TRIM2: variants seen among roughly 807,000 people sequenced by gnomAD.
The protein encoded by TRIM2 is tripartite motif containing 2, also known as tripartite motif-containing protein 2.
In TRIM2, 20 loss-of-function variants were observed where a neutral mutation model predicts 75.2. The observed-to-expected ratio is 0.27, with a 90% CI of 0.19 to 0.39. The LOEUF (loss-of-function observed/expected upper bound fraction) is 0.39, where lower values mean the gene tolerates loss of function less well. Ranked by LOEUF, TRIM2 falls within the 10% of genes least tolerant of loss-of-function variation. The pLI is 1.00. For missense variants in TRIM2, 660 were observed against 990.8 expected, an observed-to-expected ratio of 0.67 and a Z score of 4.48; for synonymous variants, 373 against 388.3, an observed-to-expected ratio of 0.96 and a Z score of 0.46.
chr4:153,197,696 A>C (rs1733921185), intron 1 of TRIM2, among the ~76,000 whole-genome samples: 2 of 151,924 alleles, frequency 1.3e-5, no homozygotes, highest in African/African-American at 4.8e-5. Context: ...ATATGGAGAA[A>C]CCCCATCTCT....
At chr4:153,314,790 A>G (rs1344507712) in intron 6 of TRIM2, among the ~76,000 whole-genome samples, 1 of 151,828 alleles carries the variant, frequency 6.6e-6, no homozygotes, top group Admixed American at 6.6e-5. Context: ...ATCGCCTACT[A>G]TTTTTATAAC....
intron 1 of TRIM2, among the ~76,000 whole-genome samples, chr4:153,261,611 A>T (rs1240032599): frequency 6.6e-6 from 1 of 152,144 alleles, no homozygotes; most frequent in African/African-American, 2.4e-5. Context: ...TTTCAGTAGA[A>T]TCTTGGCCTC....
intron 1 of TRIM2, among the ~76,000 whole-genome samples, chr4:153,224,127 A>G (rs1344880633): frequency 6.6e-6 from 1 of 152,158 alleles, no homozygotes; most frequent in Non-Finnish European, 1.5e-5. Context: ...CATCTTTGGC[A>G]GAACTGGTAC....
rs760539814 is a variant in TRIM2 at position 153,338,076 on chromosome 4, G to A, written c.*3110G>A. Reference sequence around the variant, plus strand: ...CTAAGTTTCCTTATTTTAATTTACTGTGACTAGATTTGAAGCAAATAAATA... The same window carrying A: ...CTAAGTTTCCTTATTTTAATTTACTATGACTAGATTTGAAGCAAATAAATA... On this transcript the variant is annotated 3_prime_UTR_variant, in exon 12 of 12. Coordinates refer to ENST00000338700, the MANE Select transcript of TRIM2 (RefSeq NM_015271.5). 1 of 985,670 alleles carries A rather than the reference G, an allele frequency of 1.0e-6. No homozygotes were observed. Among genetic ancestry groups the A allele is most frequent in the Middle Eastern group, 5.2e-4 (1 of 1,914 alleles). 61.1% of individuals were successfully genotyped at this position (985,670 alleles called of 1,614,324 possible).
chr4:153,273,059 G>C (rs1055163344), intron 2 of TRIM2, among the ~76,000 whole-genome samples: 1 of 151,792 alleles, frequency 6.6e-6, no homozygotes, highest in African/African-American at 2.4e-5. Flanking sequence ...GGATGGTCTC[G>C]ATCTCTTGAC....
At chr4:153,223,872 A>T (rs1431914824) in intron 1 of TRIM2, among the ~76,000 whole-genome samples, 6 of 152,238 alleles carry the variant, frequency 3.9e-5, no homozygotes, top group Non-Finnish European at 8.8e-5. Context: ...TCCAAAGATT[A>T]GGCTAGCCCC....
At chr4:153,193,256 T>C (rs953255735) in intron 1 of TRIM2, among the ~76,000 whole-genome samples, 5 of 150,362 alleles carry the variant, frequency 3.3e-5, no homozygotes, top group African/African-American at 4.9e-5. Context: ...CTCAGCCTCC[T>C]GAGTAGCTGG....
At chr4:153,290,624 G>A (rs1415416108) in intron 3 of TRIM2, among the ~76,000 whole-genome samples, 1 of 152,124 alleles carries the variant, frequency 6.6e-6, no homozygotes, top group African/African-American at 2.4e-5. Context: ...AATGAGAAGT[G>A]TGAATACTTT....
In TRIM2 at chr4:153,293,035, G is replaced by C; in HGVS notation, c.507G>C (p.Thr169=). ...AGACTGCCATGTGTCGGGAGTGCAC[G>C]GAGGGGGAGCACGCAGAGCACCCCA... ...SCETAMCREC[T]EGEHAEHPTV... The change falls in exon 4 of 12, where the codon ACG becomes ACC. Residue 169 remains threonine (T), a synonymous_variant. Transcript: ENST00000338700. 6.2e-7 allele frequency: 1 copy of C among 1,613,604 alleles called. No individual in the cohort carries two copies. Among genetic ancestry groups the C allele is most frequent in the Admixed American group, 1.7e-5 (1 of 60,010 alleles).
chr4:153,263,497 T>A (rs1377972571), intron 1 of TRIM2, among the ~76,000 whole-genome samples: 1 of 152,198 alleles, frequency 6.6e-6, no homozygotes, highest in Non-Finnish European at 1.5e-5. Context: ...TTTCGCTAGT[T>A]TGATTCATTC....
chr4:153,333,898 G>A (rs947659189), intron 11 of TRIM2, among the ~76,000 whole-genome samples: 8 of 152,152 alleles, frequency 5.3e-5, no homozygotes, highest in African/African-American at 1.7e-4. Flanking sequence ...AAGGACTTGA[G>A]AATCTGAAGA....
chr4:153,222,957 G>C (rs554852502), intron 1 of TRIM2: 1 of 152,362 alleles, frequency 6.6e-6, no homozygotes, highest in African/African-American at 2.4e-5. Flanking sequence ...GGCTGGGCGC[G>C]CAGCGAGGCC....
Position 153,260,656 on chromosome 4 carries a change from TC to T in TRIM2, c.31-9673del, listed in dbSNP as rs975099658. ...TAAAGGGGATGGCTTCTGAATGCCT[TC>T]CCCCCAAAACACACACACCCACCCA... On this transcript the variant is annotated intron_variant, in intron 1 of 11. Transcript: ENST00000338700. Among the ~76,000 whole-genome samples, 4 of 120,254 alleles carry T rather than the reference TC, an allele frequency of 3.3e-5. No individual in the cohort carries two copies. In the Admixed American group the frequency reaches 3.6e-4, roughly 11 times the overall value. 78.9% of individuals were successfully genotyped at this position (120,254 alleles called of 152,430 possible).
intron 1 of TRIM2, among the ~76,000 whole-genome samples, chr4:153,227,403 T>C (rs1408643835): frequency 6.6e-6 from 1 of 152,198 alleles, no homozygotes; most frequent in Non-Finnish European, 1.5e-5. Flanking sequence ...GCTTGAGCTT[T>C]GCCTTAATTA....
intron 3 of TRIM2, among the ~76,000 whole-genome samples, chr4:153,280,078 CCCA>C (rs1758929261): frequency 6.7e-6 from 1 of 149,250 alleles, no homozygotes; most frequent in Non-Finnish European, 1.5e-5. Context: ...TGCCCCTACC[CCCA>C]CCCACCCCCC....
chr4:153,152,416 A>ATATATG (rs1553955550), upstream of TRIM2: 3,564 of 145,910 alleles, frequency 0.024, 148 homozygotes, highest in African/African-American at 0.086. Flanking sequence ...GTGTATATAT[A>ATATATG]TATATATATA....
chr4:153,304,833 GTTA>G (rs1411986577), intron 6 of TRIM2, among the ~76,000 whole-genome samples: 2 of 152,210 alleles, frequency 1.3e-5, no homozygotes, highest in South Asian at 4.1e-4. Context: ...GGAAACCATA[GTTA>G]TTATACAGGT....
At chr4:153,302,465 G>A (rs1440577628) in intron 6 of TRIM2, among the ~76,000 whole-genome samples, 3 of 152,212 alleles carry the variant, frequency 2.0e-5, no homozygotes, top group Non-Finnish European at 2.9e-5. Context: ...TGAGATAGGT[G>A]ATGGTAAGCT....
chr4:153,173,100 G>A (rs952864586), intron 1 of TRIM2, among the ~76,000 whole-genome samples: 4 of 152,132 alleles, frequency 2.6e-5, no homozygotes, highest in East Asian at 1.9e-4. Flanking sequence ...GACACCCTTC[G>A]GCCTGGGTTT....
Sources: gnomAD v4.1 joint callset for allele counts (sites outside exome capture counted in the v4.1 genomes callset) on GRCh38, gnomAD v4.1.1 for gene constraint, MANE v1.5 for transcripts, NCBI Gene and HGNC (gene_info 2026-07-23, HGNC 2026-07-21) for gene names.